Variants in MET observed in about 807,000 individuals in gnomAD.
The protein encoded by MET is MET proto-oncogene, receptor tyrosine kinase.
MET carries 48 observed loss-of-function variants against 133.1 expected under a neutral mutation model. That is an observed-to-expected ratio of 0.36 (90% CI 0.29 to 0.46). MET has a LOEUF of 0.46. Ranked by LOEUF, MET falls within the 20% of genes least tolerant of loss-of-function variation. The probability of loss-of-function intolerance (pLI) is 1.00; values close to 1 mark genes in which losing one functional copy is unlikely to be tolerated. For missense variants in MET, 1,442 were observed against 1,695.9 expected, an observed-to-expected ratio of 0.85 and a Z score of 2.63; for synonymous variants, 628 against 616.5, an observed-to-expected ratio of 1.02 and a Z score of -0.28.
chr7:116,789,719 C>T (rs138854909), intron 19 of MET, among the ~76,000 whole-genome samples: 4 of 152,254 alleles, frequency 2.6e-5, no homozygotes, highest in African/African-American at 9.6e-5. Context: ...GAGAGCCATC[C>T]ATGTTGTCGT....
In MET at chr7:116,795,918, A is replaced by G. The variant is rs1584978266; in HGVS notation, c.3967A>G (p.Lys1323Glu). ...AGTAATGCTAAAATGCTGGCACCCT[A>G]AAGCCGAAATGCGCCCATCCTTTTC... ...YEVMLKCWHP[K>E]AEMRPSFSEL... The change falls in exon 21 of 21, where the codon AAA becomes GAA. Residue 1323 changes from lysine (K) to glutamate (E), a missense_variant. Physicochemically the swap from Lys to Glu is moderately conservative, Grantham distance 56. Coordinates refer to ENST00000397752, the MANE Select transcript of MET (RefSeq NM_000245.4). The G allele has an allele frequency of 6.2e-7, 1 of 1,614,204 alleles. No homozygotes were observed. The highest frequency in any genetic ancestry group is 8.5e-7 in the Non-Finnish European group (1 of 1,180,026).
chr7:116,731,283 T>C (rs959142856), intron 2 of MET, among the ~76,000 whole-genome samples: 13 of 152,218 alleles, frequency 8.5e-5, no homozygotes, highest in African/African-American at 2.9e-4. Flanking sequence ...TGTCAGAACA[T>C]GCCTCTAACA....
At chr7:116,714,495 T>G (rs909279414) in intron 2 of MET, among the ~76,000 whole-genome samples, 3 of 152,174 alleles carry the variant, frequency 2.0e-5, no homozygotes, top group African/African-American at 7.2e-5. Flanking sequence ...TCTTATTTTT[T>G]TCCTAGTCTT....
chr7:116,795,905 A>G lies in MET; in HGVS notation c.3954A>G (p.Lys1318=). ...GGAACAGATATGAAGTAATGCTAAA[A>G]TGCTGGCACCCTAAAGCCGAAATGC... is the stretch of plus-strand genomic sequence containing the variant. The part of the protein sequence containing the change: ...CPDPLYEVML[K]CWHPKAEMRP... The change falls in exon 21 of 21, where the codon AAA becomes AAG. Residue 1318 remains lysine, a synonymous_variant. Coordinates refer to ENST00000397752, the MANE Select transcript of MET (RefSeq NM_000245.4). 6.2e-7 allele frequency: 1 copy of G among 1,614,222 alleles called. No individual in the cohort carries two copies. The highest frequency in any genetic ancestry group is 1.1e-5 in the South Asian group (1 of 91,082).
intron 2 of MET, among the ~76,000 whole-genome samples, chr7:116,723,794 C>CG (rs1792606998): frequency 1.3e-5 from 2 of 152,110 alleles, no homozygotes; most frequent in Non-Finnish European, 2.9e-5. Flanking sequence ...TTAGGCTGCT[C>CG]GGGGGTCAGG....
At chr7:116,764,156 G>A (rs956223063) in intron 11 of MET, among the ~76,000 whole-genome samples, 4 of 151,890 alleles carry the variant, frequency 2.6e-5, no homozygotes, top group African/African-American at 7.3e-5. Flanking sequence ...TGTTTCCATT[G>A]AAATTTTTCT....
In MET at chr7:116,690,746, C is replaced by T. The variant is rs188092770; in HGVS notation, c.-14-8325C>T. Among the ~76,000 whole-genome samples the T allele has an allele frequency of 5.9e-5, 9 of 152,264 alleles. No individual in the cohort carries two copies. The East Asian group carries it at 9.6e-4, about 16-fold the overall frequency. ...CCATTTAGGTTGCACATTTAGATTTCGGAGTTTATCCTGTTATCTTCAAAT... is the reference window on the plus strand; with the variant it reads ...CCATTTAGGTTGCACATTTAGATTTTGGAGTTTATCCTGTTATCTTCAAAT... On this transcript the variant is annotated intron_variant, in intron 1 of 20. Transcript: ENST00000397752.
chr7:116,680,426 AG>A (rs1422124075), intron 1 of MET, among the ~76,000 whole-genome samples: 1 of 152,240 alleles, frequency 6.6e-6, no homozygotes, highest in Non-Finnish European at 1.5e-5. Context: ...GTTCAATTTA[AG>A]AAAGATTTTT....
At chr7:116,718,865 GC>G (rs1212332214) in intron 2 of MET, among the ~76,000 whole-genome samples, 2 of 144,510 alleles carry the variant, frequency 1.4e-5, no homozygotes, top group East Asian at 4.0e-4. Flanking sequence ...GTGTATATGT[GC>G]CACATTTTCT....
At chr7:116,736,353 C>CAA (rs571369878) in intron 3 of MET, among the ~76,000 whole-genome samples, 6 of 129,076 alleles carry the variant, frequency 4.6e-5, no homozygotes, top group African/African-American at 1.2e-4. Context: ...AACCCTGTCT[C>CAA]AAAAAAAAAA....
At position 116,769,788 on chromosome 7, in the gene MET, A is replaced by G. The variant is rs757811101; in HGVS notation, c.2727A>G (p.Ile909Met). 1.2e-6 allele frequency: 2 copies of G among 1,613,780 alleles called. No individual in the cohort carries two copies. Among genetic ancestry groups the G allele is most frequent in the South Asian group, 2.2e-5 (2 of 91,072 alleles). The change falls in exon 12 of 21, where the codon ATA becomes ATG. Residue 909 changes from isoleucine (I) to methionine (M), a missense_variant. Physicochemically the swap from Ile to Met is conservative, Grantham distance 10. Around this residue, in one of 6 missense-constraint regions of MET, gnomAD observed 514 missense variants for 659.6 expected, o/e 0.78. Transcript: ENST00000397752. The stretch of plus-strand genomic sequence containing the variant: ...TGAAATTGAACAGCGAGCTAAATAT[A>G]GAGGTGGGATTCCTGCATTCCTCTC... ...DLLKLNSELN[I>M]EWKQAISSTV... is the part of the protein sequence containing the mutation.
In MET at chr7:116,740,869, G is replaced by A; in HGVS notation, c.1545G>A (p.Leu515=). The change falls in exon 5 of 21, where the codon TTG becomes TTA. Residue 515 remains leucine, a synonymous_variant. Coordinates refer to ENST00000397752, the MANE Select transcript of MET (RefSeq NM_000245.4). ...CTTCACAGATCACGAAGATCCCATT[G>A]AATGGCTTGGGCTGCAGACATTTCC... ...ITGKKITKIP[L]NGLGCRHFQS... 1 of 1,614,042 alleles carries A rather than the reference G, an allele frequency of 6.2e-7. No homozygotes were observed. Among genetic ancestry groups the A allele is most frequent in the East Asian group, 2.2e-5 (1 of 44,872 alleles).
chr7:116,759,695 T>A, intron 10 of MET: 1 of 627,550 alleles, frequency 1.6e-6, no homozygotes, highest in Non-Finnish European at 2.9e-6. Flanking sequence ...TACATACACA[T>A]ACACACATGC....
At chr7:116,697,601 C>T (rs368003053) in intron 1 of MET, among the ~76,000 whole-genome samples, 10 of 152,202 alleles carry the variant, frequency 6.6e-5, no homozygotes, top group African/African-American at 1.2e-4. Flanking sequence ...CTTCGAATTT[C>T]GGCTTAATTT....
In MET at chr7:116,740,890, T is replaced by C. The variant is rs2116834734; in HGVS notation, c.1566T>C (p.His522=). 1 of 1,614,176 alleles carries C rather than the reference T, an allele frequency of 6.2e-7. No homozygotes were observed. The highest frequency in any genetic ancestry group is 1.1e-5 in the South Asian group (1 of 91,086). ...CATTGAATGGCTTGGGCTGCAGACA[T>C]TTCCAGTCCTGCAGTCAATGCCTCT... ...KIPLNGLGCR[H]FQSCSQCLSA... is the part of the protein sequence containing the mutation. Residue 522 remains histidine, a synonymous_variant, in exon 5 of 21, where the codon CAT becomes CAC. Coordinates refer to ENST00000397752, the MANE Select transcript of MET (RefSeq NM_000245.4).
intron 5 of MET, among the ~76,000 whole-genome samples, chr7:116,752,246 TTTG>T (rs952217925): frequency 2.0e-5 from 3 of 152,178 alleles, no homozygotes; most frequent in Admixed American, 1.3e-4. Context: ...TTGGAGTTTT[TTTG>T]TTCTGTTTTG....
intron 11 of MET, among the ~76,000 whole-genome samples, chr7:116,766,243 G>T (rs981209679): frequency 1.3e-5 from 2 of 152,136 alleles, no homozygotes. Flanking sequence ...TGCCTTGGGG[G>T]TTTATCTTAT....
chr7:116,737,922 A>C (rs1793284016), intron 3 of MET, among the ~76,000 whole-genome samples: 1 of 152,220 alleles, frequency 6.6e-6, no homozygotes, highest in South Asian at 2.1e-4. Flanking sequence ...TATTAAAAAG[A>C]GCAAGAAGGT....
rs1584878246 is a variant in MET at position 116,700,130 on chromosome 7, G to A, written c.1046G>A (p.Ser349Asn). ...DDILFGVFAQ[S>N]KPDSAEPMDR... is the part of the protein sequence containing the mutation. ...ATTCTTTTCGGGGTGTTCGCACAAA[G>A]CAAGCCAGATTCTGCCGAACCAATG... is the stretch of plus-strand genomic sequence containing the variant. Residue 349 changes from serine to asparagine, a missense_variant, in exon 2 of 21, where the codon AGC (serine) becomes AAC (asparagine). Coordinates refer to ENST00000397752, the MANE Select transcript of MET (RefSeq NM_000245.4). The A allele has an allele frequency of 2.5e-6, 4 of 1,602,724 alleles. No homozygotes were observed. Among genetic ancestry groups the A allele is most frequent in the Middle Eastern group, 1.7e-4 (1 of 5,980 alleles).
Sources: allele counts gnomAD v4.1 joint callset (sites outside exome capture counted in the v4.1 genomes callset), GRCh38; gene constraint gnomAD v4.1.1; regional missense constraint gnomAD v4.1.1; transcripts MANE v1.5; gene names NCBI Gene and HGNC (gene_info 2026-07-23, HGNC 2026-07-21).